The following TMEM266 variants were observed in gnomAD, a reference collection of about 807,000 sequenced individuals.
TMEM266 encodes Hv1 related protein 1.
Under a neutral mutation model 50.5 loss-of-function variants are expected in TMEM266, and 33 were observed. That is an observed-to-expected ratio of 0.65 (90% CI 0.50 to 0.87). TMEM266 has a LOEUF of 0.87. TMEM266 is among the 40% of genes least tolerant of loss of function. The pLI is 0.00. For synonymous variants in TMEM266, 310 were observed against 292.3 expected (o/e 1.06, Z -0.62); for missense variants, 655 against 695.1 (o/e 0.94, Z 0.65).
chr15:76,135,664 C>T (rs1227702154), intron 2 of TMEM266, among the ~76,000 whole-genome samples: 1 of 152,194 alleles, frequency 6.6e-6, no homozygotes. Flanking sequence ...TGAAACCTCA[C>T]ATTCTGTTTC....
chr15:76,138,019 C>T (rs1251808820), intron 3 of TMEM266, 124 bp downstream of exon 3: 3 of 915,694 alleles, frequency 3.3e-6, no homozygotes, highest in East Asian at 3.0e-5. Context: ...GTTAGGAGTT[C>T]GAGACCAGCC....
intron 1 of TMEM266, among the ~76,000 whole-genome samples, chr15:76,087,270 T>G (rs2036790452): frequency 6.6e-6 from 1 of 151,926 alleles, no homozygotes; most frequent in Admixed American, 6.6e-5. Flanking sequence ...GCTGAAAAAT[T>G]TTAAGGCTAG....
chr15:76,095,545 T>C lies in TMEM266; in HGVS notation c.-97+35529T>C, dbSNP rs151078253. 6.7e-4 allele frequency among the ~76,000 whole-genome samples: 102 copies of C among 152,192 alleles called. 1 individual carries two copies. Among genetic ancestry groups the C allele is most frequent in the African/African-American group, 2.3e-3 (94 of 41,552 alleles). On this transcript the variant is annotated intron_variant, in intron 1 of 10. Transcript: ENST00000388942. ...ATTTTATTGAGGATTTTCGCATCGA[T>C]TGTCATCAGGGATATTGGCCTGAAA...
At chr15:76,179,205 T>C (rs184856970) in intron 8 of TMEM266, among the ~76,000 whole-genome samples, 5 of 152,222 alleles carry the variant, frequency 3.3e-5, no homozygotes, top group African/African-American at 7.2e-5. Flanking sequence ...CTTACTGGCC[T>C]TGTGGCTTTG....
chr15:76,130,845 T>A (rs1329202954), intron 1 of TMEM266, among the ~76,000 whole-genome samples: 1 of 152,246 alleles, frequency 6.6e-6, no homozygotes, highest in Non-Finnish European at 1.5e-5. Context: ...TTTTTCATAA[T>A]CTTTACTTCT....
Position 76,191,977 on chromosome 15 carries a change from C to T in TMEM266, c.778C>T (p.Arg260Trp). ...CCGTCTCCCTCCGCAGTTTGAGATC[C>T]GGCAGCTGCGCGCGCACCTGGCGCA... is the stretch of plus-strand genomic sequence containing the variant. The change falls in exon 9 of 11, where the codon CGG (arginine) becomes TGG (tryptophan). Residue 260 changes from arginine to tryptophan, a missense_variant. Coordinates refer to ENST00000388942, the MANE Select transcript of TMEM266 (RefSeq NM_152335.3). The T allele has an allele frequency of 1.3e-6, 2 of 1,582,608 alleles. No individual in the cohort carries two copies. The highest frequency in any genetic ancestry group is 8.6e-7 in the Non-Finnish European group (1 of 1,169,430).
intron 5 of TMEM266, among the ~76,000 whole-genome samples, chr15:76,167,565 G>A (rs1049676099): frequency 2.0e-5 from 3 of 151,560 alleles, no homozygotes; most frequent in African/African-American, 7.3e-5. Context: ...GCAGTGGCAT[G>A]ATCTCAGCTC....
At chr15:76,120,581 C>T (rs138675230) in intron 1 of TMEM266, among the ~76,000 whole-genome samples, 1,753 of 151,522 alleles carry the variant, frequency 0.012, 31 homozygotes, top group African/African-American at 0.04. Context: ...GGCAACATGG[C>T]GAAACCCCAT....
chr15:76,192,602 A>C (rs1290586850), intron 9 of TMEM266, among the ~76,000 whole-genome samples: 1 of 152,160 alleles, frequency 6.6e-6, no homozygotes. Flanking sequence ...ACTGGGGCCC[A>C]AACAAGTCCA....
intron 1 of TMEM266, among the ~76,000 whole-genome samples, chr15:76,086,818 C>T (rs1024387934): frequency 5.3e-5 from 8 of 152,036 alleles, no homozygotes; most frequent in Non-Finnish European, 8.8e-5. Flanking sequence ...CAAAGTTATA[C>T]TCCTGTGCAA....
intron 1 of TMEM266, among the ~76,000 whole-genome samples, chr15:76,073,151 G>A (rs183588536): frequency 1.3e-4 from 19 of 144,966 alleles, no homozygotes; most frequent in African/African-American, 4.1e-4. Context: ...GGCTGGTCTC[G>A]AACTCTTGAC....
At chr15:76,082,026 C>G (rs2036701241) in intron 1 of TMEM266, among the ~76,000 whole-genome samples, 1 of 152,198 alleles carries the variant, frequency 6.6e-6, no homozygotes, top group South Asian at 2.1e-4. Context: ...CCCCTCCCAC[C>G]TATGTCAGAA....
At chr15:76,133,784 A>G (rs1293717762) in intron 1 of TMEM266, among the ~76,000 whole-genome samples, 2 of 152,218 alleles carry the variant, frequency 1.3e-5, no homozygotes, top group East Asian at 3.9e-4. Flanking sequence ...AAATACATGG[A>G]AAACATTTGA....
chr15:76,121,257 G>GAT (rs1299541694), intron 1 of TMEM266, among the ~76,000 whole-genome samples: 2 of 152,024 alleles, frequency 1.3e-5, no homozygotes, highest in African/African-American at 4.8e-5. Flanking sequence ...ATAATACAAA[G>GAT]ATATATATAC....
chr15:76,127,493 AT>A (rs1229471026), intron 1 of TMEM266, among the ~76,000 whole-genome samples: 1 of 151,974 alleles, frequency 6.6e-6, no homozygotes, highest in Non-Finnish European at 1.5e-5. Context: ...CACCCAGCTA[AT>A]TTTTGTATTT....
rs2036563423 is a variant in TMEM266 at position 76,073,290 on chromosome 15, T to C, written c.-97+13274T>C. On this transcript the variant is annotated intron_variant, in intron 1 of 10. Coordinates refer to ENST00000388942, the MANE Select transcript of TMEM266 (RefSeq NM_152335.3). ...CTCCATCACCCAGGCTGGAGTGCAGTGGTGCGATCTCGGCTCACTGCAACC... is the reference window on the plus strand; with the variant it reads ...CTCCATCACCCAGGCTGGAGTGCAGCGGTGCGATCTCGGCTCACTGCAACC... Among the ~76,000 whole-genome samples, 4 of 150,020 alleles carry C rather than the reference T, an allele frequency of 2.7e-5. No individual in the cohort carries two copies. In the South Asian group the frequency reaches 8.5e-4, roughly 32 times the overall value.
intron 1 of TMEM266, among the ~76,000 whole-genome samples, chr15:76,075,195 C>T (rs1028314047): frequency 2.4e-4 from 36 of 151,978 alleles, no homozygotes; most frequent in African/African-American, 8.7e-4. Flanking sequence ...ATGTGGATGA[C>T]ATTTTGAGCC....
rs1475706927 is a variant in TMEM266, at chr15:76,171,635, C to G, written c.652+504C>G. Among the ~76,000 whole-genome samples the G allele has an allele frequency of 2.0e-5, 3 of 152,242 alleles. No homozygotes were observed. The East Asian group carries it at 5.8e-4, about 29-fold the overall frequency. On this transcript the variant is annotated intron_variant, in intron 7 of 10. Coordinates refer to ENST00000388942, the MANE Select transcript of TMEM266 (RefSeq NM_152335.3). ...GCCCACAAGCCCATTGACCTGCAAA[C>G]AAGTAGAGAAGGGAGCTGCTGGCAG...
At chr15:76,095,208 G>A (rs1171817761) in intron 1 of TMEM266, among the ~76,000 whole-genome samples, 4 of 152,036 alleles carry the variant, frequency 2.6e-5, no homozygotes, top group African/African-American at 4.8e-5. Context: ...CAAAGGGAAT[G>A]CTTCCAGTTT....
Sources: allele counts gnomAD v4.1 joint callset (sites outside exome capture counted in the v4.1 genomes callset), GRCh38; gene constraint gnomAD v4.1.1; transcripts MANE v1.5; gene names NCBI Gene and HGNC (gene_info 2026-07-23, HGNC 2026-07-21).